TNPO3: variants seen among roughly 807,000 people sequenced by gnomAD.
TNPO3 encodes the protein transportin 3.
Under a neutral mutation model 122.8 loss-of-function variants are expected in TNPO3, and 65 were observed. The ratio of observed to expected loss-of-function variants is 0.53; its 90% confidence interval spans 0.43 to 0.65. The LOEUF (loss-of-function observed/expected upper bound fraction) is 0.65, where lower values mean the gene tolerates loss of function less well. Among genes scored for constraint, TNPO3 ranks in the 30% least tolerant of loss-of-function variants. TNPO3 has a pLI of 0.00. For missense variants in TNPO3, 850 were observed against 1,136.7 expected (o/e 0.75, Z 3.63); for synonymous variants, 372 against 411.2 (o/e 0.90, Z 1.15).
intron 12 of TNPO3, among the ~76,000 whole-genome samples, chr7:128,986,247 T>TC (rs1800133586): frequency 6.6e-6 from 1 of 152,244 alleles, no homozygotes; most frequent in Non-Finnish European, 1.5e-5. Flanking sequence ...CCGAGCCTCA[T>TC]CACAATGGCT....
chr7:129,006,548 T>C (rs933671272), intron 4 of TNPO3, among the ~76,000 whole-genome samples: 1 of 152,250 alleles, frequency 6.6e-6, no homozygotes, highest in Non-Finnish European at 1.5e-5. Context: ...AATGCATCTT[T>C]TTCTAGGCAA....
In TNPO3 at chr7:128,989,972, G is replaced by A. The variant is rs1372331065; in HGVS notation, c.1487C>T (p.Pro496Leu). 6.2e-7 allele frequency: 1 copy of A among 1,614,068 alleles called. No homozygotes were observed. The highest frequency in any genetic ancestry group is 8.5e-7 in the Non-Finnish European group (1 of 1,179,910). Residue 496 changes from proline to leucine, a missense_variant, in exon 11 of 23, where the codon CCT becomes CTT. Coordinates refer to ENST00000265388, the MANE Select transcript of TNPO3 (RefSeq NM_012470.4). ...GEMSEVVDRN[P>L]QFLDPVLGYL... ...GAGATTACACATACCAAGGAACTGA[G>A]GATTTCGATCAACGACTTCACTCAT...
At position 128,993,794 on chromosome 7, in the gene TNPO3, C is replaced by G. The variant is rs761494229; in HGVS notation, c.1266+13G>C. Reference sequence around the variant, plus strand: ...GACTAGTAAAACTGGAAACAATCTCCAAATAGGCTTACCTGAGCAAAACAC... The same window carrying G: ...GACTAGTAAAACTGGAAACAATCTCGAAATAGGCTTACCTGAGCAAAACAC... On this transcript the variant is annotated intron_variant, in intron 9 of 22. Coordinates refer to ENST00000265388, the MANE Select transcript of TNPO3 (RefSeq NM_012470.4). 3 of 1,603,878 alleles carry G rather than the reference C, an allele frequency of 1.9e-6. No homozygotes were observed. The Admixed American group carries it at 5.2e-5, about 28-fold the overall frequency.
At chr7:128,958,619 T>C (rs1377496815) in intron 21 of TNPO3, among the ~76,000 whole-genome samples, 1 of 152,110 alleles carries the variant, frequency 6.6e-6, no homozygotes, top group Non-Finnish European at 1.5e-5. Flanking sequence ...AAGGTGAAAA[T>C]AGAGCTATCC....
chr7:129,047,514 G>A (rs1431768567), intron 1 of TNPO3, among the ~76,000 whole-genome samples: 1 of 152,200 alleles, frequency 6.6e-6, no homozygotes, highest in Non-Finnish European at 1.5e-5. Flanking sequence ...AAATTTTGGT[G>A]GAAGTTTAGA....
At chr7:129,027,558 C>CAAAAAAAAAAAAAAAAA (rs71162549) in intron 1 of TNPO3, among the ~76,000 whole-genome samples, 4 of 8,972 alleles carry the variant, frequency 4.5e-4, no homozygotes, top group African/African-American at 4.6e-4. Context: ...AAGACTGTCT[C>CAAAAAAAAAAAAAAAAA]AAAAAAAAAA....
chr7:128,979,775 C>T (rs1211294596), intron 15 of TNPO3, among the ~76,000 whole-genome samples, 196 bp downstream of exon 15: 1 of 152,150 alleles, frequency 6.6e-6, no homozygotes, highest in South Asian at 2.1e-4. Context: ...AAGGCATTCC[C>T]TTGCAGCCTG....
At chr7:129,015,525 G>A (rs1432578939) in intron 3 of TNPO3, among the ~76,000 whole-genome samples, 3 of 152,176 alleles carry the variant, frequency 2.0e-5, no homozygotes, top group East Asian at 3.8e-4. Context: ...ATTGTTAATA[G>A]TGGTTGCTTA....
At chr7:128,990,877 A>G (rs910675592) in intron 10 of TNPO3, among the ~76,000 whole-genome samples, 2 of 152,218 alleles carry the variant, frequency 1.3e-5, no homozygotes, top group African/African-American at 4.8e-5. Context: ...AATATCCTGG[A>G]TTACAGCAAG....
At position 128,992,000 on chromosome 7, in the gene TNPO3, G is replaced by A; in HGVS notation, c.1357C>T (p.Pro453Ser). Residue 453 changes from proline (P) to serine (S), a missense_variant and splice_region_variant, in exon 10 of 23, where the codon CCG becomes TCG. Coordinates refer to ENST00000265388, the MANE Select transcript of TNPO3 (RefSeq NM_012470.4). ...GCAAAAGACTTATGAGACACTCACG[G>A]ATCAACACTCTTTGCTATAGCAGCC... ...IMAAIAKSVD[P>S]ENNPTLVEVL... The A allele has an allele frequency of 6.3e-7, 1 of 1,599,040 alleles. No homozygotes were observed.
At chr7:128,962,410 A>T (rs913881523) in intron 21 of TNPO3, among the ~76,000 whole-genome samples, 32 of 151,264 alleles carry the variant, frequency 2.1e-4, no homozygotes, top group African/African-American at 7.0e-4. Flanking sequence ...ATTAATTACC[A>T]GTACCATGTG....
intron 4 of TNPO3, among the ~76,000 whole-genome samples, chr7:129,012,003 C>CTTTTTT (rs1174882837): frequency 2.4e-4 from 31 of 131,698 alleles, no homozygotes; most frequent in African/African-American, 4.3e-4. Flanking sequence ...CTTTTTCTTT[C>CTTTTTT]TTTTTTTTTT....
intron 1 of TNPO3, among the ~76,000 whole-genome samples, chr7:129,021,354 CAAA>C (rs577989041): frequency 1.2e-4 from 8 of 66,682 alleles, no homozygotes; most frequent in Admixed American, 1.8e-4. Flanking sequence ...GACTCCGTCT[CAAA>C]AAAAAAAAAA....
intron 1 of TNPO3, among the ~76,000 whole-genome samples, chr7:129,018,777 G>A (rs1804125347): frequency 6.6e-6 from 1 of 152,066 alleles, no homozygotes; most frequent in Non-Finnish European, 1.5e-5. Flanking sequence ...GGAGTGCAGT[G>A]GCACAATCTA....
intron 1 of TNPO3, among the ~76,000 whole-genome samples, chr7:129,019,426 G>C (rs963621923): frequency 2.0e-5 from 3 of 152,140 alleles, no homozygotes; most frequent in Admixed American, 2.0e-4. Flanking sequence ...TATCCTTCAA[G>C]ATCTTTCCAA....
intron 1 of TNPO3, chr7:129,041,446 G>T: frequency 1.6e-6 from 1 of 626,168 alleles, no homozygotes; most frequent in Non-Finnish European, 2.0e-6. Context: ...ACAAACTACA[G>T]TACATTGCTC....
chr7:128,963,330 G>A (rs1797644313), intron 21 of TNPO3, among the ~76,000 whole-genome samples: 1 of 152,150 alleles, frequency 6.6e-6, no homozygotes, highest in South Asian at 2.1e-4. Context: ...AGGAAAATTA[G>A]AGCCAATACG....
At chr7:129,039,079 G>A (rs80049896) in intron 1 of TNPO3, among the ~76,000 whole-genome samples, 6,755 of 152,168 alleles carry the variant, frequency 0.044, 208 homozygotes, top group Middle Eastern at 0.1. Flanking sequence ...TTAGCCATCA[G>A]GAAATGCAAA....
intron 21 of TNPO3, among the ~76,000 whole-genome samples, chr7:128,964,974 A>G (rs1161510870): frequency 6.6e-6 from 1 of 152,214 alleles, no homozygotes; most frequent in Non-Finnish European, 1.5e-5. Context: ...ATAAGACCTA[A>G]AACTGTAAAA....
Sources: allele counts gnomAD v4.1 joint callset (sites outside exome capture counted in the v4.1 genomes callset), GRCh38; gene constraint gnomAD v4.1.1; transcripts MANE v1.5; gene names NCBI Gene and HGNC (gene_info 2026-07-23, HGNC 2026-07-21).